The following ERAP2 variants were observed in gnomAD, a reference collection of about 807,000 sequenced individuals.
ERAP2 encodes leukocyte-derived arginine aminopeptidase.
In ERAP2, 118 loss-of-function variants were observed where a neutral mutation model predicts 111.1. The observed-to-expected ratio is 1.06, with a 90% CI of 0.92 to 1.24. The LOEUF is 1.24. Among genes scored for constraint, ERAP2 ranks in the 50% most tolerant of loss-of-function variants. ERAP2 has a pLI of 0.00. For synonymous variants in ERAP2, 410 were observed against 401.2 expected, an observed-to-expected ratio of 1.02 and a Z score of -0.26; for missense variants, 1,131 against 1,125.8, an observed-to-expected ratio of 1.00 and a Z score of -0.07.
rs769716066 is a variant in ERAP2 at position 96,896,873 on chromosome 5, A to G, written c.1503+10A>G. On this transcript the variant is annotated intron_variant, in intron 9 of 18. Transcript: ENST00000437043. ...GAGCAGTCTGTCAAATGTAAGTCAT[A>G]TGTTGGGTAACGATAGACTGTTATT... The G allele has an allele frequency of 3.8e-6, 6 of 1,569,204 alleles. No homozygotes were observed. In the South Asian group the frequency reaches 6.0e-5, roughly 16 times the overall value.
At chr5:96,913,576 T>TA in intron 17 of ERAP2, 119 bp downstream of exon 17, 2 of 1,211,144 alleles carry the variant, frequency 1.7e-6, no homozygotes, top group Non-Finnish European at 2.4e-6. Flanking sequence ...ATCCAAATAG[T>TA]TCAGTGGAGT....
At chr5:96,891,572 T>TACAC (rs1319654321) in intron 5 of ERAP2, among the ~76,000 whole-genome samples, 4 of 133,264 alleles carry the variant, frequency 3.0e-5, no homozygotes, top group South Asian at 2.7e-4. Context: ...ACATATATGG[T>TACAC]ACACACACAC....
In ERAP2 at chr5:96,888,666, T is replaced by G. The variant is rs377105652; in HGVS notation, c.850-519T>G. On this transcript the variant is annotated intron_variant, in intron 4 of 18. Coordinates refer to ENST00000437043, the MANE Select transcript of ERAP2 (RefSeq NM_022350.5). The stretch of plus-strand genomic sequence containing the variant: ...AAGAAAATTTGAATCTAATTCTATT[T>G]TTTCTACTTGATAGCTAATTTCTTT... Among the ~76,000 whole-genome samples, 13 of 152,360 alleles carry G rather than the reference T, an allele frequency of 8.5e-5. No homozygotes were observed. In the East Asian group the frequency reaches 1.9e-3, roughly 23 times the overall value.
rs536218046 is a variant in ERAP2 at position 96,889,355 on chromosome 5, C to T, written c.970+50C>T. 3.1e-6 allele frequency: 5 copies of T among 1,597,328 alleles called. No homozygotes were observed. The East Asian group carries it at 8.9e-5, about 29-fold the overall frequency. The stretch of plus-strand genomic sequence containing the variant: ...TCTTCATTTTTGCTCATAAAACTTG[C>T]TTTGATCTCTTCCCTCTTTCTCTTT... On this transcript the variant is annotated intron_variant, in intron 5 of 18. Coordinates refer to ENST00000437043, the MANE Select transcript of ERAP2 (RefSeq NM_022350.5).
intron 6 of ERAP2, among the ~76,000 whole-genome samples, chr5:96,893,904 A>T (rs1479054631): frequency 6.6e-6 from 1 of 152,188 alleles, no homozygotes; most frequent in Non-Finnish European, 1.5e-5. Flanking sequence ...TGAACATGCC[A>T]GGTTGTATCA....
intron 11 of ERAP2, 67 bp downstream of exon 11, chr5:96,901,748 C>G: frequency 6.6e-7 from 1 of 1,510,338 alleles, no homozygotes; most frequent in Non-Finnish European, 9.0e-7. Context: ...CCTTAGCTTT[C>G]TCTCAGCTCA....
Position 96,891,483 on chromosome 5 carries a change from A to ATG in ERAP2, c.971-800_971-799dup, listed in dbSNP as rs1173728929. Among the ~76,000 whole-genome samples, 207 of 138,714 alleles carry ATG rather than the reference A, an allele frequency of 1.5e-3. 2 individuals carry two copies. The highest frequency in any genetic ancestry group is 4.5e-3 in the African/African-American group (166 of 36,638). 91.0% of individuals were successfully genotyped at this position (138,714 alleles called of 152,430 possible). ...CACACATATACAGGTATATATATAT[A>ATG]TGTGTGTGTGTGTGTGTATATATAT... On this transcript the variant is annotated intron_variant, in intron 5 of 18. Coordinates refer to ENST00000437043, the MANE Select transcript of ERAP2 (RefSeq NM_022350.5).
At chr5:96,913,270 G>A (rs748943737) in intron 16 of ERAP2, 47 bp from the exon 17 acceptor site, 2 of 1,510,636 alleles carry the variant, frequency 1.3e-6, no homozygotes, top group Non-Finnish European at 1.8e-6. Flanking sequence ...TAATGTCCAT[G>A]TACATAATAC....
intron 6 of ERAP2, 50 bp downstream of exon 6, chr5:96,892,503 T>A (rs1329980350): frequency 4.4e-6 from 7 of 1,601,072 alleles, no homozygotes; most frequent in Non-Finnish European, 6.0e-6. Context: ...AATAACATTA[T>A]ATAGAACACG....
At chr5:96,897,420 GT>G (rs1385562043) in intron 9 of ERAP2, among the ~76,000 whole-genome samples, 1 of 152,056 alleles carries the variant, frequency 6.6e-6, no homozygotes, top group Admixed American at 6.6e-5. Flanking sequence ...GCCCTCATTC[GT>G]TTGCCTGTCT....
chr5:96,910,629 T>C (rs185817383), intron 15 of ERAP2, among the ~76,000 whole-genome samples: 1 of 152,336 alleles, frequency 6.6e-6, no homozygotes, highest in Admixed American at 6.5e-5. Flanking sequence ...TAACCTGCAG[T>C]AACCTACCTA....
At chr5:96,910,276 A>T (rs1786577597) in intron 15 of ERAP2, 1 of 151,920 alleles carries the variant, frequency 6.6e-6, no homozygotes. Context: ...AAAAAAAAAA[A>T]AAAACTTTTC....
chr5:96,909,242 A>T, intron 14 of ERAP2, 125 bp downstream of exon 14: 1 of 844,398 alleles, frequency 1.2e-6, no homozygotes. Flanking sequence ...ACTGACTGAT[A>T]GCATGTAATG....
rs1192324460 is a variant in ERAP2, at chr5:96,912,722, C to T, written c.2440C>T (p.Leu814=). 1 of 1,603,880 alleles carries T rather than the reference C, an allele frequency of 6.2e-7. No homozygotes were observed. Among genetic ancestry groups the T allele is most frequent in the Non-Finnish European group, 8.5e-7 (1 of 1,177,062 alleles). The change falls in exon 16 of 19, where the codon CTG becomes TTG. Residue 814 remains leucine, a synonymous_variant. Transcript: ENST00000437043. Reference sequence around the variant, plus strand: ...GAATTACCTTTTAGAGCAATATGAACTGTCAATGTCAAGTGCTGAACAAAA... The same window carrying T: ...GAATTACCTTTTAGAGCAATATGAATTGTCAATGTCAAGTGCTGAACAAAA... ...GWNYLLEQYE[L]SMSSAEQNKI...
At chr5:96,881,391 T>G (rs1474445908) in intron 2 of ERAP2, 1 of 455,492 alleles carries the variant, frequency 2.2e-6, no homozygotes, top group African/African-American at 2.0e-5. Flanking sequence ...TGCTGACATA[T>G]TGGTCATGTG....
chr5:96,902,458 A>AC, intron 12 of ERAP2, 105 bp downstream of exon 12: 1 of 672,376 alleles, frequency 1.5e-6, no homozygotes, highest in Non-Finnish European at 2.5e-6. Context: ...TAAAAGATTT[A>AC]TATTTGAGGG....
chr5:96,895,597 C>A (rs1038877634), intron 7 of ERAP2, among the ~76,000 whole-genome samples: 1 of 152,148 alleles, frequency 6.6e-6, no homozygotes, highest in African/African-American at 2.4e-5. Flanking sequence ...CAAACTAATA[C>A]AAATGTAGAA....
At chr5:96,897,050 G>A (rs1214871507) in intron 9 of ERAP2, among the ~76,000 whole-genome samples, 187 bp downstream of exon 9, 2 of 74,610 alleles carry the variant, frequency 2.7e-5, no homozygotes, top group African/African-American at 4.2e-5. Flanking sequence ...GTCACGCTGG[G>A]GTGGCCCCAG....
At chr5:96,884,873 A>G (rs1783564288) in intron 3 of ERAP2, among the ~76,000 whole-genome samples, 1 of 152,082 alleles carries the variant, frequency 6.6e-6, no homozygotes, top group South Asian at 2.1e-4. Context: ...GGAAACACAC[A>G]CTCACTGGTG....
Sources: gnomAD v4.1 joint callset for allele counts (sites outside exome capture counted in the v4.1 genomes callset) on GRCh38, gnomAD v4.1.1 for gene constraint, MANE v1.5 for transcripts, NCBI Gene and HGNC (gene_info 2026-07-23, HGNC 2026-07-21) for gene names.